Variants in ABCB4 observed in about 807,000 individuals in gnomAD.
ABCB4 encodes the protein ATP binding cassette subfamily B member 4, also known as phosphatidylcholine translocator ABCB4.
A neutral mutation model predicts 145.7 loss-of-function variants in ABCB4; 76 were observed. The ratio of observed to expected loss-of-function variants is 0.52; its 90% CI spans 0.43 to 0.63. The LOEUF is 0.63. ABCB4 is among the 30% of genes least tolerant of loss of function. ABCB4 has a pLI of 0.00. For synonymous variants in ABCB4, 517 were observed against 566.8 expected, an observed-to-expected ratio of 0.91 and a Z score of 1.25; for missense variants, 1,234 against 1,553.1, an observed-to-expected ratio of 0.79 and a Z score of 3.45.
chr7:87,472,516 G>A (rs574087791), intron 3 of ABCB4, 105 bp downstream of exon 3: 12 of 1,032,736 alleles, frequency 1.2e-5, no homozygotes, highest in Middle Eastern at 2.3e-4. Context: ...GAGTCAGCTC[G>A]CCTAGCTAGA....
At chr7:87,434,679 C>T (rs1249646699) in intron 14 of ABCB4, among the ~76,000 whole-genome samples, 2 of 152,060 alleles carry the variant, frequency 1.3e-5, no homozygotes, top group Non-Finnish European at 2.9e-5. Context: ...ACCCGGGAAG[C>T]GGAGGTTGCA....
chr7:87,444,756 G>C (rs920684373), intron 10 of ABCB4, 106 bp downstream of exon 10: 1 of 794,250 alleles, frequency 1.3e-6, no homozygotes, highest in Non-Finnish European at 2.1e-6. Flanking sequence ...ACTTTAGTCA[G>C]TACAACTTAT....
chr7:87,369,473 A>G, the ABCB4 span: 22 of 1,610,330 alleles, frequency 1.4e-5, no homozygotes, highest in Non-Finnish European at 1.8e-5. Flanking sequence ...TCACCCCGCC[A>G]GAGCTTCTCA....
At position 87,411,988 on chromosome 7, in the gene ABCB4, G is replaced by A; in HGVS notation, c.2829C>T (p.Ile943=). 1.9e-6 allele frequency: 3 copies of A among 1,613,876 alleles called. No individual in the cohort carries two copies. The highest frequency in any genetic ancestry group is 2.5e-6 in the Non-Finnish European group (3 of 1,179,818). ...AGGAAAAATACATAAATGCTTGTGA[G>A]ATACTAAAAGTAATTCCATAGATGT... ...KAHIYGITFS[I]SQAFMYFSYA... Residue 943 remains isoleucine (I), a synonymous_variant, in exon 23 of 28, where the codon ATC becomes ATT. Coordinates refer to ENST00000649586, the MANE Select transcript of ABCB4 (RefSeq NM_000443.4).
chr7:87,395,912 G>C, the ABCB4 span, among the ~76,000 whole-genome samples: 1 of 152,154 alleles, frequency 6.6e-6, no homozygotes, highest in Non-Finnish European at 1.5e-5. Flanking sequence ...TACCCCAATG[G>C]AAGAGAACAT....
intron 16 of ABCB4, 101 bp from the exon 17 acceptor site, chr7:87,424,153 A>T (rs1809649283): frequency 7.0e-7 from 1 of 1,420,226 alleles, no homozygotes; most frequent in South Asian, 1.2e-5. Context: ...GGGACTCGCA[A>T]ACTAGGTGCA....
At chr7:87,400,300 T>A (rs1327413951), downstream of ABCB4, among the ~76,000 whole-genome samples, 1 of 152,202 alleles carries the variant, frequency 6.6e-6, no homozygotes, top group Admixed American at 6.5e-5. Context: ...ACTATAGCAA[T>A]CTGCCAGACA....
chr7:87,474,980 G>C (rs975604903), intron 2 of ABCB4, among the ~76,000 whole-genome samples: 7 of 152,138 alleles, frequency 4.6e-5, no homozygotes, highest in Non-Finnish European at 1.0e-4. Context: ...CACTGCCCTT[G>C]TTCAAAAAGC....
intron 4 of ABCB4, among the ~76,000 whole-genome samples, chr7:87,459,659 G>C (rs1812323886): frequency 6.6e-6 from 1 of 151,906 alleles, no homozygotes. Flanking sequence ...AGAATACAGG[G>C]AGACATCACA....
At chr7:87,455,973 A>T (rs889049615) in intron 4 of ABCB4, among the ~76,000 whole-genome samples, 12 of 152,222 alleles carry the variant, frequency 7.9e-5, no homozygotes, top group African/African-American at 2.7e-4. Context: ...TGATGTTCAC[A>T]GTGAAATTTC....
chr7:87,373,006 G>T, the ABCB4 span, among the ~76,000 whole-genome samples: 2 of 152,004 alleles, frequency 1.3e-5, no homozygotes, highest in African/African-American at 4.8e-5. Context: ...GGGTAGAATT[G>T]CCAGGTCATA....
intron 12 of ABCB4, 85 bp downstream of exon 12, chr7:87,443,234 G>T: frequency 6.4e-7 from 1 of 1,559,090 alleles, no homozygotes; most frequent in South Asian, 1.1e-5. Flanking sequence ...GGATTCACAC[G>T]CAAATTTGTT....
intron 4 of ABCB4, among the ~76,000 whole-genome samples, chr7:87,456,922 G>C (rs1812138497): frequency 6.6e-6 from 1 of 152,048 alleles, no homozygotes. Context: ...GATCTGAAAA[G>C]AGCCTACTCC....
chr7:87,435,326 T>C (rs1810536285), intron 14 of ABCB4, among the ~76,000 whole-genome samples: 1 of 152,234 alleles, frequency 6.6e-6, no homozygotes, highest in South Asian at 2.1e-4. Context: ...GGCAGATTAA[T>C]ATGGCCACAA....
At chr7:87,468,378 G>A (rs1021205635) in intron 3 of ABCB4, among the ~76,000 whole-genome samples, 7 of 150,776 alleles carry the variant, frequency 4.6e-5, no homozygotes, top group African/African-American at 7.3e-5. Flanking sequence ...GACCAATAAC[G>A]GGCTCTGAAA....
chr7:87,464,778 T>C (rs1812734758), intron 3 of ABCB4, among the ~76,000 whole-genome samples: 1 of 152,242 alleles, frequency 6.6e-6, no homozygotes. Context: ...AAGTTTAACT[T>C]AAGCTAAAAC....
chr7:87,464,869 T>C (rs1189841949), intron 3 of ABCB4, among the ~76,000 whole-genome samples: 1 of 152,224 alleles, frequency 6.6e-6, no homozygotes, highest in Non-Finnish European at 1.5e-5. Flanking sequence ...ATTTAAAACC[T>C]ATGCATTAAA....
intron 18 of ABCB4, 127 bp downstream of exon 18, chr7:87,421,994 C>A (rs1809472112): frequency 1.4e-6 from 1 of 718,464 alleles, no homozygotes; most frequent in Non-Finnish European, 2.4e-6. Context: ...TACCCTCCAG[C>A]AGAGCCTTAT....
chr7:87,375,629 A>T, the ABCB4 span: 1 of 1,608,278 alleles, frequency 6.2e-7, no homozygotes, highest in South Asian at 1.1e-5. Flanking sequence ...CATCTTCCAT[A>T]AGACAACTGA....
Sources: gnomAD v4.1 joint callset for allele counts (sites outside exome capture counted in the v4.1 genomes callset) on GRCh38, gnomAD v4.1.1 for gene constraint, MANE v1.5 for transcripts, NCBI Gene and HGNC (gene_info 2026-07-23, HGNC 2026-07-21) for gene names.